The following TENM3 variants were observed in gnomAD, a reference collection of about 807,000 sequenced individuals.
The protein encoded by TENM3 is teneurin transmembrane protein 3, also known as teneurin-3.
In TENM3, 63 loss-of-function variants were observed where a neutral mutation model predicts 255.1. That is an observed-to-expected ratio of 0.25 (90% confidence interval 0.20 to 0.30). TENM3 has a LOEUF of 0.30. Among genes scored for constraint, TENM3 ranks in the 10% least tolerant of loss-of-function variants. TENM3 has a pLI of 1.00. For missense variants in TENM3, 2,929 were observed against 3,461.1 expected (o/e 0.85, Z 3.86); for synonymous variants, 1,306 against 1,322.3 (o/e 0.99, Z 0.27).
At chr4:182,000,569 A>T in the TENM3 span, among the ~76,000 whole-genome samples, 1 of 152,160 alleles carries the variant, frequency 6.6e-6, no homozygotes, top group Non-Finnish European at 1.5e-5. Flanking sequence ...TATTTGCTTC[A>T]ATTGATTATT....
intron 7 of TENM3, among the ~76,000 whole-genome samples, chr4:182,674,460 A>C (rs982109790): frequency 2.6e-5 from 4 of 152,170 alleles, no homozygotes; most frequent in Middle Eastern, 6.8e-3. Flanking sequence ...AATATTTTTA[A>C]TATCTATATT....
intron 1 of TENM3, among the ~76,000 whole-genome samples, chr4:182,304,918 A>G (rs1329720804): frequency 6.6e-5 from 10 of 152,144 alleles, no homozygotes; most frequent in Non-Finnish European, 4.4e-5. Flanking sequence ...ACAGTGATTC[A>G]GTCTGTCGAG....
At chr4:182,738,965 A>G (rs962021473) in intron 18 of TENM3, among the ~76,000 whole-genome samples, 23 of 151,792 alleles carry the variant, frequency 1.5e-4, no homozygotes, top group Admixed American at 1.4e-3. Context: ...TAAAATAAAG[A>G]AAAAAAAATC....
At chr4:181,629,924 C>T in the TENM3 span, among the ~76,000 whole-genome samples, 1 of 152,212 alleles carries the variant, frequency 6.6e-6, no homozygotes, top group African/African-American at 2.4e-5. Context: ...ACCAGCTCCT[C>T]CTTGTACCTC....
chr4:181,629,568 G>T, the TENM3 span, among the ~76,000 whole-genome samples: 2 of 152,138 alleles, frequency 1.3e-5, no homozygotes, highest in African/African-American at 2.4e-5. Flanking sequence ...TTTGTCAAAG[G>T]CCTTTTCTGC....
intron 13 of TENM3, among the ~76,000 whole-genome samples, chr4:182,723,593 C>A (rs1759919151): frequency 6.6e-6 from 1 of 152,072 alleles, no homozygotes; most frequent in Non-Finnish European, 1.5e-5. Flanking sequence ...CAGCATAAAG[C>A]CAGCATAGAA....
At chr4:182,249,688 T>G (rs990169234) in intron 1 of TENM3, among the ~76,000 whole-genome samples, 2 of 152,160 alleles carry the variant, frequency 1.3e-5, no homozygotes, top group African/African-American at 4.8e-5. Context: ...ATGGGTCTGA[T>G]AGAGAGGGGT....
At chr4:182,769,505 C>T (rs115995623) in intron 22 of TENM3, among the ~76,000 whole-genome samples, 2,627 of 152,200 alleles carry the variant, frequency 0.017, 62 homozygotes, top group African/African-American at 0.06. Context: ...AGTCCTAGGC[C>T]GGGCGTGGTG....
chr4:181,687,104 C>T, the TENM3 span, among the ~76,000 whole-genome samples: 1 of 151,990 alleles, frequency 6.6e-6, no homozygotes, highest in African/African-American at 2.4e-5. Flanking sequence ...CCCTTTGATG[C>T]CAAATTAGTA....
intron 1 of TENM3, chr4:182,190,129 A>G (rs1579652506): frequency 6.6e-6 from 1 of 152,322 alleles, no homozygotes; most frequent in Middle Eastern, 3.4e-3. Context: ...AATTGTTAAT[A>G]AATTGGAGTT....
chr4:182,772,589 T>C (rs1764335721), intron 22 of TENM3: 1 of 152,226 alleles, frequency 6.6e-6, no homozygotes. Flanking sequence ...ACCATCATTT[T>C]TGAAATTTTC....
At chr4:182,517,347 G>C (rs1738076628) in intron 3 of TENM3, among the ~76,000 whole-genome samples, 1 of 142,930 alleles carries the variant, frequency 7.0e-6, no homozygotes, top group Admixed American at 7.0e-5. Flanking sequence ...TCTGTAGTCT[G>C]TTATTTGGTT....
At chr4:181,462,344 G>A in the TENM3 span, among the ~76,000 whole-genome samples, 1 of 152,108 alleles carries the variant, frequency 6.6e-6, no homozygotes, top group African/African-American at 2.4e-5. Flanking sequence ...TGCCCTGCAT[G>A]TCAGGCTGCC....
chr4:181,518,217 T>A, the TENM3 span, among the ~76,000 whole-genome samples: 1 of 152,070 alleles, frequency 6.6e-6, no homozygotes, highest in African/African-American at 2.4e-5. Context: ...CAAATTAGAG[T>A]TAATAGGGTC....
At chr4:182,587,573 G>A (rs374835016) in intron 3 of TENM3, among the ~76,000 whole-genome samples, 9 of 151,968 alleles carry the variant, frequency 5.9e-5, no homozygotes, top group African/African-American at 1.9e-4. Flanking sequence ...GTGAGACTTC[G>A]CCTCAAAAAA....
chr4:182,469,428 AT>A (rs1732905220), intron 3 of TENM3, among the ~76,000 whole-genome samples: 1 of 152,142 alleles, frequency 6.6e-6, no homozygotes, highest in African/African-American at 2.4e-5. Flanking sequence ...AAGTGAAGAG[AT>A]TTAGGCCAAG....
At chr4:181,524,766 G>A in the TENM3 span, among the ~76,000 whole-genome samples, 1 of 152,082 alleles carries the variant, frequency 6.6e-6, no homozygotes, top group Non-Finnish European at 1.5e-5. Flanking sequence ...TACCAGGTAG[G>A]GGGTAAAGAG....
At chr4:182,637,822 AAGAC>A (rs1323313399) in intron 5 of TENM3, among the ~76,000 whole-genome samples, 1 of 152,178 alleles carries the variant, frequency 6.6e-6, no homozygotes, top group Admixed American at 6.5e-5. Flanking sequence ...GAGTGCATAA[AAGAC>A]AGAACTTTAC....
At chr4:181,488,104 G>A in the TENM3 span, among the ~76,000 whole-genome samples, 1 of 152,220 alleles carries the variant, frequency 6.6e-6, no homozygotes, top group East Asian at 1.9e-4. Flanking sequence ...CAGGCAGCCA[G>A]TTGGATTCTT....
Sources: gnomAD v4.1 joint callset for allele counts (sites outside exome capture counted in the v4.1 genomes callset) on GRCh38, gnomAD v4.1.1 for gene constraint, MANE v1.5 for transcripts, NCBI Gene and HGNC (gene_info 2026-07-23, HGNC 2026-07-21) for gene names.